Variants in SNX29 observed in about 807,000 individuals in gnomAD.
SNX29 encodes sorting nexin 29.
Under a neutral mutation model 102.1 loss-of-function variants are expected in SNX29, and 78 were observed. That is an observed-to-expected ratio of 0.76 (90% CI 0.64 to 0.92). The LOEUF (loss-of-function observed/expected upper bound fraction) is 0.92, where lower values mean the gene tolerates loss of function less well. SNX29 is among the 40% of genes least tolerant of loss of function. The pLI, the probability that SNX29 is intolerant of heterozygous loss-of-function variation, is 0.00. For synonymous variants in SNX29, 580 were observed against 414.5 expected, an observed-to-expected ratio of 1.40 and a Z score of -4.85; for missense variants, 1,280 against 1,061.7, an observed-to-expected ratio of 1.21 and a Z score of -2.86.
intron 11 of SNX29, among the ~76,000 whole-genome samples, chr16:12,115,340 C>A (rs1340844762): frequency 6.6e-6 from 1 of 152,096 alleles, no homozygotes; most frequent in Non-Finnish European, 1.5e-5. Context: ...TAGACTCATG[C>A]AGCTTTGAGA....
At chr16:12,448,834 A>G (rs2086177651) in intron 18 of SNX29, among the ~76,000 whole-genome samples, 1 of 152,052 alleles carries the variant, frequency 6.6e-6, no homozygotes, top group Admixed American at 6.6e-5. Context: ...ATCCAGCTCT[A>G]CCCATTTTCT....
intron 19 of SNX29, among the ~76,000 whole-genome samples, chr16:12,511,293 A>T (rs74009112): frequency 0.018 from 2,770 of 152,314 alleles, 83 homozygotes; most frequent in African/African-American, 0.062. Context: ...GTGGAACTCA[A>T]GCAGACGTGG....
chr16:12,399,130 A>G (rs1187942852), intron 17 of SNX29, among the ~76,000 whole-genome samples: 1 of 151,788 alleles, frequency 6.6e-6, no homozygotes, highest in Non-Finnish European at 1.5e-5. Context: ...GGCTCATTGC[A>G]CCCTCCGCCT....
At chr16:12,559,494 G>C (rs185406930) in intron 20 of SNX29, among the ~76,000 whole-genome samples, 102 of 151,912 alleles carry the variant, frequency 6.7e-4, no homozygotes, top group South Asian at 2.3e-3. Context: ...AGTAATAATA[G>C]AATGTACAAA....
chr16:12,231,430 A>G lies in SNX29; in HGVS notation c.1678+31747A>G, dbSNP rs564038020. The stretch of plus-strand genomic sequence containing the variant: ...AATCGTCTATCACAAAGCCTTTTCT[A>G]TCATTATGTTGACTGCATTGCTGTA... On this transcript the variant is annotated intron_variant, in intron 14 of 20. Coordinates refer to ENST00000566228, the MANE Select transcript of SNX29 (RefSeq NM_032167.5). 1.2e-3 allele frequency among the ~76,000 whole-genome samples: 186 copies of G among 152,336 alleles called. 1 individual carries two copies. Among genetic ancestry groups the G allele is most frequent in the African/African-American group, 4.1e-3 (171 of 41,568 alleles).
chr16:12,294,665 C>G (rs894581156), intron 15 of SNX29, among the ~76,000 whole-genome samples: 2 of 152,156 alleles, frequency 1.3e-5, no homozygotes, highest in African/African-American at 2.4e-5. Flanking sequence ...TGGGTAGGTT[C>G]AGGTCCTTTC....
chr16:12,440,841 C>T lies in SNX29; in HGVS notation c.2038-36878C>T, dbSNP rs570284133. Among the ~76,000 whole-genome samples the T allele has an allele frequency of 5.3e-5, 8 of 152,262 alleles. No homozygotes were observed. In the South Asian group the frequency reaches 6.2e-4, roughly 12 times the overall value. On this transcript the variant is annotated intron_variant, in intron 18 of 20. Coordinates refer to ENST00000566228, the MANE Select transcript of SNX29 (RefSeq NM_032167.5). ...ACGTTTTCTTTAACCAGCGTATCAT[C>T]GATGGGCATTGAGGTGGATTCCACG...
chr16:12,168,527 C>G (rs1410718490), intron 13 of SNX29, among the ~76,000 whole-genome samples: 2 of 152,174 alleles, frequency 1.3e-5, no homozygotes, highest in Non-Finnish European at 2.9e-5. Context: ...ATACCTCGCC[C>G]CAGCTAGCAT....
chr16:12,567,806 C>T (rs760904225), intron 20 of SNX29, among the ~76,000 whole-genome samples: 46 of 152,156 alleles, frequency 3.0e-4, no homozygotes, highest in Non-Finnish European at 6.3e-4. Context: ...ACAGGACTTC[C>T]TGCTGAGCAC....
intron 13 of SNX29, among the ~76,000 whole-genome samples, chr16:12,182,369 A>G (rs144050179): frequency 1.3e-5 from 2 of 152,144 alleles, no homozygotes; most frequent in Admixed American, 6.5e-5. Context: ...GGGTGAAATT[A>G]AAGGCGAACA....
intron 15 of SNX29, among the ~76,000 whole-genome samples, chr16:12,312,876 C>T (rs954750675): frequency 6.6e-6 from 1 of 152,132 alleles, no homozygotes; most frequent in South Asian, 2.1e-4. Context: ...TCTACCTCAT[C>T]CTGAGACTGC....
rs906841982 is a variant in SNX29 at position 12,563,292 on chromosome 16, C to T, written c.2319-5214C>T. Among the ~76,000 whole-genome samples the T allele has an allele frequency of 1.1e-4, 17 of 152,090 alleles. 1 individual carries two copies. The highest frequency in any genetic ancestry group is 6.5e-4 in the Admixed American group (10 of 15,278). ...GGAACGTCGGGTTCTGGATCCACAG[C>T]TCGGAAAGTCTGCTTTGTGACTGGA... On this transcript the variant is annotated intron_variant, in intron 20 of 20. Coordinates refer to ENST00000566228, the MANE Select transcript of SNX29 (RefSeq NM_032167.5).
chr16:12,398,354 G>A, intron 16 of SNX29, 92 bp from the exon 17 acceptor site: 1 of 1,352,842 alleles, frequency 7.4e-7, no homozygotes, highest in Non-Finnish European at 1.1e-6. Context: ...AATGTTCAGG[G>A]ATCTCTGAGA....
intron 14 of SNX29, among the ~76,000 whole-genome samples, chr16:12,216,895 C>T (rs1304608840): frequency 3.9e-5 from 6 of 152,208 alleles, no homozygotes; most frequent in East Asian, 1.9e-4. Context: ...TTTCATGAGG[C>T]CACAGCTAGC....
At chr16:12,273,243 C>A (rs140859860) in intron 14 of SNX29, among the ~76,000 whole-genome samples, 1 of 152,112 alleles carries the variant, frequency 6.6e-6, no homozygotes, top group Non-Finnish European at 1.5e-5. Flanking sequence ...CACTCTCCAA[C>A]TCACTTTTTT....
Position 12,199,588 on chromosome 16 carries a change from C to A in SNX29, c.1596-13C>A. The A allele has an allele frequency of 6.2e-7, 1 of 1,606,144 alleles. No homozygotes were observed. The highest frequency in any genetic ancestry group is 8.5e-7 in the Non-Finnish European group (1 of 1,175,712). ...TTTAAATATATATTTTTTTAACATT[C>A]TTGTACCTGCAGAGAGAACGAGGTG... is the stretch of plus-strand genomic sequence containing the variant. On this transcript the variant is annotated splice_polypyrimidine_tract_variant and intron_variant, in intron 13 of 20. Transcript: ENST00000566228.
intron 3 of SNX29, among the ~76,000 whole-genome samples, chr16:12,007,308 C>T (rs549255808): frequency 1.3e-5 from 2 of 152,304 alleles, no homozygotes; most frequent in Admixed American, 1.3e-4. Context: ...AGTTCAAGAC[C>T]AGCCTGGCCA....
intron 18 of SNX29, among the ~76,000 whole-genome samples, chr16:12,431,712 G>C (rs895925062): frequency 6.6e-6 from 1 of 152,162 alleles, no homozygotes; most frequent in African/African-American, 2.4e-5. Flanking sequence ...CTGCTTCAGA[G>C]TGTCAAGAAT....
chr16:11,983,347 T>C (rs2055470917), intron 1 of SNX29, among the ~76,000 whole-genome samples: 1 of 151,788 alleles, frequency 6.6e-6, no homozygotes, highest in South Asian at 2.1e-4. Flanking sequence ...GTGCTGAGAT[T>C]ATAGTTGTGA....
Sources: allele counts gnomAD v4.1 joint callset (sites outside exome capture counted in the v4.1 genomes callset), GRCh38; gene constraint gnomAD v4.1.1; transcripts MANE v1.5; gene names NCBI Gene and HGNC (gene_info 2026-07-23, HGNC 2026-07-21).